The following CXorf38 variants were observed in gnomAD, a reference collection of about 807,000 sequenced individuals.
CXorf38 encodes the protein chromosome X open reading frame 38, also known as uncharacterized protein CXorf38.
CXorf38 carries 13 observed loss-of-function variants against 27.5 expected under a neutral mutation model. That is an observed-to-expected ratio of 0.47 (90% CI 0.31 to 0.75). CXorf38 has a LOEUF of 0.75. Among genes scored for constraint, CXorf38 ranks in the 30% least tolerant of loss-of-function variants. The pLI, the probability that CXorf38 is intolerant of heterozygous loss-of-function variation, is 0.05. For missense variants in CXorf38, 240 were observed against 253.2 expected (o/e 0.95, Z 0.35); for synonymous variants, 100 against 99.8 (o/e 1.00, Z -0.01).
chrX:40,637,565 C>T (rs1415168535), intron 3 of CXorf38, among the ~76,000 whole-genome samples: 1 of 112,107 alleles, frequency 8.9e-6, no homozygotes. Flanking sequence ...CAAGGGGCAG[C>T]CTCTACTTAA....
intron 5 of CXorf38, among the ~76,000 whole-genome samples, chrX:40,632,255 C>T (rs766862305): frequency 1.8e-5 from 2 of 111,645 alleles, no homozygotes; most frequent in Non-Finnish European, 3.8e-5. Context: ...GTGGGGTGCC[C>T]CTCCACTTGA....
chrX:40,635,275 C>T (rs1005264504), intron 5 of CXorf38, among the ~76,000 whole-genome samples: 5 of 112,991 alleles, frequency 4.4e-5, no homozygotes, highest in Non-Finnish European at 9.4e-5. Context: ...TATGGTGTAC[C>T]ATGGTGGGCA....
At chrX:40,631,205 G>A (rs1470889359) in intron 5 of CXorf38, among the ~76,000 whole-genome samples, 1 of 97,997 alleles carries the variant, frequency 1.0e-5, no homozygotes, top group Non-Finnish European at 2.1e-5. Flanking sequence ...ATATACGTGT[G>A]TACATATATA....
At chrX:40,643,308 C>T (rs191708742) in intron 2 of CXorf38, among the ~76,000 whole-genome samples, 13 of 111,525 alleles carry the variant, frequency 1.2e-4, no homozygotes, top group African/African-American at 9.8e-5. Context: ...CACCCATCTA[C>T]ACATTATAAT....
At position 40,639,331 on chromosome X, in the gene CXorf38, G is replaced by A. The variant is rs1928215253; in HGVS notation, c.352-203C>T. On this transcript the variant is annotated intron_variant, in intron 2 of 6. Coordinates refer to ENST00000327877, the MANE Select transcript of CXorf38 (RefSeq NM_144970.3). ...GGCCAAGGGCAATAACTGAAGGGCT[G>A]TATTATCCCTGCTATTAGATACATA... The A allele has an allele frequency of 2.6e-5, 10 of 377,952 alleles. No individual in the cohort carries two copies. The South Asian group carries it at 3.7e-4, about 14-fold the overall frequency. 31.1% of individuals were successfully genotyped at this position (377,952 alleles called of 1,213,427 possible).
At chrX:40,634,297 C>T (rs1240448533) in intron 5 of CXorf38, among the ~76,000 whole-genome samples, 1 of 111,761 alleles carries the variant, frequency 8.9e-6, no homozygotes, top group Non-Finnish European at 1.9e-5. Context: ...TCCCAAACTC[C>T]TGGGCTCAAG....
Position 40,639,052 on chromosome X carries a change from T to C in CXorf38, c.428A>G (p.Asn143Ser), listed in dbSNP as rs774859426. ...CDAVALLSLI[N>S]SCDHFVVDRK... is the part of the protein sequence containing the mutation. ...ATCAACCACGAAGTGATCGCAGGAG[T>C]TGATGAGACTTAAAAGAGCAACTGC... Residue 143 changes from asparagine to serine, a missense_variant, in exon 3 of 7, where the codon AAC becomes AGC. Transcript: ENST00000327877. 4 of 1,209,021 alleles carry C rather than the reference T, an allele frequency of 3.3e-6. No individual in the cohort carries two copies. The highest frequency in any genetic ancestry group is 5.9e-5 in the East Asian group (2 of 33,768).
chrX:40,638,757 A>G (rs1310560913), intron 3 of CXorf38, among the ~76,000 whole-genome samples: 2 of 112,441 alleles, frequency 1.8e-5, no homozygotes, highest in Non-Finnish European at 3.8e-5. Context: ...CTAATTCAGG[A>G]GAACTACTCT....
chrX:40,637,866 T>C (rs141074645), intron 3 of CXorf38, among the ~76,000 whole-genome samples: 1,222 of 111,503 alleles, frequency 0.011, 20 homozygotes, highest in African/African-American at 0.038. Flanking sequence ...GTCAGTGCCG[T>C]TGAGGCTTGA....
In CXorf38 at chrX:40,630,780, G is replaced by A; in HGVS notation, c.802-7C>T. 8.3e-7 allele frequency: 1 copy of A among 1,207,994 alleles called. No individual in the cohort carries two copies. Among genetic ancestry groups the A allele is most frequent in the South Asian group, 1.8e-5 (1 of 56,577 alleles). On this transcript the variant is annotated splice_polypyrimidine_tract_variant and splice_region_variant and intron_variant, in intron 5 of 6. Transcript: ENST00000327877. ...CTTCCAGTCGATTTGAGAGCTGCAA[G>A]AGGAAACCATGCAATGTACAGCTTA...
chrX:40,631,761 G>A lies in CXorf38; in HGVS notation c.802-988C>T, dbSNP rs183029065. Among the ~76,000 whole-genome samples the A allele has an allele frequency of 5.0e-3, 559 of 112,122 alleles. 5 individuals carry two copies. Among genetic ancestry groups the A allele is most frequent in the African/African-American group, 0.017 (515 of 30,882 alleles). On this transcript the variant is annotated intron_variant, in intron 5 of 6. Coordinates refer to ENST00000327877, the MANE Select transcript of CXorf38 (RefSeq NM_144970.3). ...GATTCCCATGCAGTAGGTCTGGGGT[G>A]GAACCCCAGCAAATACTCACGTTAT... is the stretch of plus-strand genomic sequence containing the variant.
chrX:40,631,254 TACACACACACACACACACAC>T (rs56725827), intron 5 of CXorf38, among the ~76,000 whole-genome samples: 3,198 of 88,939 alleles, frequency 0.036, 132 homozygotes, highest in Admixed American at 0.14. Context: ...TATATATATA[TACACACACACACACACACAC>T]ACACACACAC....
intron 2 of CXorf38, among the ~76,000 whole-genome samples, chrX:40,641,698 C>A (rs1307302914): frequency 8.9e-6 from 1 of 112,163 alleles, no homozygotes; most frequent in Non-Finnish European, 1.9e-5. Context: ...GTCCTTGCTA[C>A]AAGTTTATTT....
rs190854774 is a variant in CXorf38, at chrX:40,637,721, G to C, written c.472-565C>G. 4.5e-5 allele frequency among the ~76,000 whole-genome samples: 5 copies of C among 112,112 alleles called. No individual in the cohort carries two copies. The East Asian group carries it at 1.4e-3, about 31-fold the overall frequency. On this transcript the variant is annotated intron_variant, in intron 3 of 6. Coordinates refer to ENST00000327877, the MANE Select transcript of CXorf38 (RefSeq NM_144970.3). ...CAGGACAAATAAGACATGACAATAA[G>C]CCAGATTATGGCCACAGGATTCTAG...
intron 5 of CXorf38, among the ~76,000 whole-genome samples, chrX:40,633,058 C>A (rs955941405): frequency 2.7e-5 from 3 of 111,310 alleles, no homozygotes; most frequent in Non-Finnish European, 5.7e-5. Flanking sequence ...CTCTCACATG[C>A]CACATCTGCC....
intron 5 of CXorf38, among the ~76,000 whole-genome samples, chrX:40,634,025 A>AC: frequency 9.0e-6 from 1 of 111,689 alleles, no homozygotes; most frequent in Admixed American, 9.5e-5. Flanking sequence ...AAAATCTCAC[A>AC]GTCACAGCAA....
intron 2 of CXorf38, among the ~76,000 whole-genome samples, chrX:40,640,813 G>A (rs1000755724): frequency 1.8e-5 from 2 of 109,159 alleles, no homozygotes; most frequent in East Asian, 5.7e-4. Flanking sequence ...GGTGGCACGC[G>A]CCTGTAATCC....
Position 40,629,378 on chromosome X carries a change from A to C in CXorf38, c.*786T>G, listed in dbSNP as rs1473821187. The C allele has an allele frequency of 1.6e-4, 18 of 111,471 alleles. No individual in the cohort carries two copies. The Admixed American group carries it at 1.7e-3, about 11-fold the overall frequency. The allele number at this position is 111,471 out of a possible 1,213,427, so 9.2% of individuals were successfully genotyped here. ...GCAATGTTTCTTCTTGCTTTCCTCT[A>C]AAAAGGAAATATTTCTTTCCTATCC... On this transcript the variant is annotated 3_prime_UTR_variant, in exon 7 of 7. Coordinates refer to ENST00000327877, the MANE Select transcript of CXorf38 (RefSeq NM_144970.3).
Position 40,646,884 on chromosome X carries a change from C to T in CXorf38, c.351+123G>A. ...GCATACCACCCCTGAACCGCCTAGA[C>T]CCTTGATCAATCTCTCTCTCTGCAT... On this transcript the variant is annotated intron_variant, in intron 2 of 6. Transcript: ENST00000327877. 4 of 872,431 alleles carry T rather than the reference C, an allele frequency of 4.6e-6. No homozygotes were observed. The South Asian group carries it at 1.0e-4, about 23-fold the overall frequency. 71.9% of individuals were successfully genotyped at this position (872,431 alleles called of 1,213,427 possible).
Sources: gnomAD v4.1 joint callset for allele counts (sites outside exome capture counted in the v4.1 genomes callset) on GRCh38, gnomAD v4.1.1 for gene constraint, MANE v1.5 for transcripts, NCBI Gene and HGNC (gene_info 2026-07-23, HGNC 2026-07-21) for gene names.